The following MNS1 variants were observed in gnomAD, a reference collection of about 807,000 sequenced individuals.
The protein encoded by MNS1 is meiosis specific nuclear structural 1, also known as meiosis-specific nuclear structural protein 1.
A neutral mutation model predicts 72.0 loss-of-function variants in MNS1; 63 were observed. The ratio of observed to expected loss-of-function variants is 0.87; its 90% CI spans 0.71 to 1.08. The LOEUF is 1.08. Ranked by LOEUF, MNS1 falls within the 50% of genes least tolerant of loss-of-function variation. The probability of loss-of-function intolerance (pLI) is 0.00; values close to 1 mark genes in which losing one functional copy is unlikely to be tolerated. For synonymous variants in MNS1, 188 were observed against 172.1 expected (o/e 1.09, Z -0.72); for missense variants, 604 against 562.4 (o/e 1.07, Z -0.75).
At chr15:56,457,609 GCCAGGAGTTTGAGAC>G (rs1321748557) in intron 2 of MNS1, among the ~76,000 whole-genome samples, 2 of 152,092 alleles carry the variant, frequency 1.3e-5, no homozygotes, top group East Asian at 3.8e-4. Context: ...GATCCTTAAG[GCCAGGAGTTTGAGAC>G]CAGCCTGGGC....
At chr15:56,454,114 C>A (rs2050965440) in intron 3 of MNS1, among the ~76,000 whole-genome samples, 1 of 152,096 alleles carries the variant, frequency 6.6e-6, no homozygotes. Flanking sequence ...AAAGAGTACT[C>A]AACTGAATGA....
At chr15:56,460,009 A>AAAAAATATATATATATATAT in intron 2 of MNS1, among the ~76,000 whole-genome samples, 3 of 26,382 alleles carry the variant, frequency 1.1e-4, no homozygotes, top group Non-Finnish European at 2.1e-4. Flanking sequence ...AAAAAAAAAA[A>AAAAAATATATATATATATAT]ATACATATAT....
At position 56,464,169 on chromosome 15, in the gene MNS1, C is replaced by T. The variant is rs771892962; in HGVS notation, c.82G>A (p.Val28Ile). Residue 28 changes from valine (V) to isoleucine (I), a missense_variant, in exon 2 of 10, where the codon GTC becomes ATC. By Grantham distance (29) the Val-to-Ile change is conservative. Transcript: ENST00000260453. ...VDENYCKKLHVQALKNVNSQI... is the reference protein window; with the variant it reads ...VDENYCKKLHIQALKNVNSQI... ...CTGTTGACGTTTTTTAGAGCTTGGACATGTAATTTTTTGCAGTAGTTTTCA... is the reference window on the plus strand; with the variant it reads ...CTGTTGACGTTTTTTAGAGCTTGGATATGTAATTTTTTGCAGTAGTTTTCA... The T allele has an allele frequency of 6.2e-7, 1 of 1,613,918 alleles. No individual in the cohort carries two copies. Among genetic ancestry groups the T allele is most frequent in the South Asian group, 1.1e-5 (1 of 91,054 alleles).
At chr15:56,464,287 C>T (rs1206426687) in intron 1 of MNS1, 40 bp from the exon 2 acceptor site, 6 of 1,398,428 alleles carry the variant, frequency 4.3e-6, no homozygotes, top group Non-Finnish European at 4.9e-6. Flanking sequence ...TTTTGATATT[C>T]CAAAATCTAA....
chr15:56,431,276 G>T (rs189698916), intron 9 of MNS1, 97 bp downstream of exon 9: 549 of 1,425,180 alleles, frequency 3.9e-4, no homozygotes, highest in Admixed American at 1.1e-3. Flanking sequence ...AACCGAGCAA[G>T]AAGTGAGCAA....
At chr15:56,452,157 A>G (rs1042828479) in intron 3 of MNS1, among the ~76,000 whole-genome samples, 8 of 152,150 alleles carry the variant, frequency 5.3e-5, no homozygotes, top group African/African-American at 1.9e-4. Context: ...ATCAGGTTAG[A>G]TGATTCACTA....
chr15:56,443,356 CTA>C, intron 7 of MNS1, 72 bp downstream of exon 7: 1 of 1,090,720 alleles, frequency 9.2e-7, no homozygotes. Context: ...TTTAAATGTA[CTA>C]TCTCTTTTCT....
intron 2 of MNS1, chr15:56,463,708 G>A (rs1034857269): frequency 4.5e-6 from 1 of 221,154 alleles, no homozygotes; most frequent in Non-Finnish European, 8.8e-6. Context: ...CTTGAACCCC[G>A]GAGGCAGAGG....
intron 9 of MNS1, among the ~76,000 whole-genome samples, chr15:56,431,003 A>T (rs1377380539): frequency 1.3e-5 from 2 of 152,180 alleles, no homozygotes; most frequent in Non-Finnish European, 2.9e-5. Flanking sequence ...CTTACCAAAA[A>T]TACAAAAATT....
chr15:56,464,521 G>T (rs1387103791), intron 1 of MNS1, among the ~76,000 whole-genome samples: 4 of 151,738 alleles, frequency 2.6e-5, no homozygotes, highest in African/African-American at 9.7e-5. Context: ...AGGATTAATC[G>T]CACCCTACAG....
chr15:56,435,854 T>G (rs557792651), intron 7 of MNS1, among the ~76,000 whole-genome samples: 26 of 152,134 alleles, frequency 1.7e-4, no homozygotes, highest in African/African-American at 5.1e-4. Flanking sequence ...ATATAAAAAA[T>G]TACAGACCAA....
At chr15:56,455,562 C>T (rs1406871145) in intron 3 of MNS1, among the ~76,000 whole-genome samples, 1 of 152,124 alleles carries the variant, frequency 6.6e-6, no homozygotes, top group Non-Finnish European at 1.5e-5. Context: ...AAGTAAATTT[C>T]CAATATATTC....
intron 2 of MNS1, among the ~76,000 whole-genome samples, chr15:56,463,020 A>T (rs767492303): frequency 2.0e-5 from 3 of 152,174 alleles, no homozygotes; most frequent in Non-Finnish European, 4.4e-5. Context: ...ATCATTTTTT[A>T]AATTTGCTTT....
intron 2 of MNS1, among the ~76,000 whole-genome samples, chr15:56,462,005 T>G (rs2051026115): frequency 7.0e-6 from 1 of 142,266 alleles, no homozygotes; most frequent in African/African-American, 2.6e-5. Flanking sequence ...TTTTTTTTTT[T>G]TTTTTGTGGG....
chr15:56,452,277 G>C (rs1240328511), intron 3 of MNS1, among the ~76,000 whole-genome samples: 1 of 152,108 alleles, frequency 6.6e-6, no homozygotes, highest in African/African-American at 2.4e-5. Context: ...GAAATTCAGA[G>C]AAAACTAGGT....
chr15:56,455,157 A>T (rs1596267376), intron 3 of MNS1, among the ~76,000 whole-genome samples: 1 of 151,774 alleles, frequency 6.6e-6, no homozygotes, highest in South Asian at 2.1e-4. Context: ...TATCTGAATA[A>T]CCTAATCTGC....
At position 56,434,208 on chromosome 15, in the gene MNS1, T is replaced by G; in HGVS notation, c.1199A>C (p.Lys400Thr). The G allele has an allele frequency of 6.2e-7, 1 of 1,613,934 alleles. No homozygotes were observed. The highest frequency in any genetic ancestry group is 8.5e-7 in the Non-Finnish European group (1 of 1,179,888). ...ELMNAQKQRMKQLEHRRAVEK... is the reference protein window; with the variant it reads ...ELMNAQKQRMTQLEHRRAVEK... ...CACAGCCCTCCTGTGTTCCAGCTGC[T>G]TCATTCTTTGTTTCTGAGCATTCAT... is the stretch of plus-strand genomic sequence containing the variant. The change falls in exon 8 of 10, where the codon AAG becomes ACG. Residue 400 changes from lysine (K) to threonine (T), a missense_variant. Coordinates refer to ENST00000260453, the MANE Select transcript of MNS1 (RefSeq NM_018365.4).
intron 3 of MNS1, among the ~76,000 whole-genome samples, chr15:56,449,636 A>G (rs2050934569): frequency 6.6e-6 from 1 of 152,216 alleles, no homozygotes; most frequent in Non-Finnish European, 1.5e-5. Flanking sequence ...ACAGAACTAC[A>G]TAAGATTGGT....
At chr15:56,431,570 T>C (rs2050597163) in intron 8 of MNS1, 72 bp from the exon 9 acceptor site, 2 of 1,482,000 alleles carry the variant, frequency 1.3e-6, no homozygotes, top group East Asian at 4.6e-5. Flanking sequence ...ATAAAACTAC[T>C]CATGCAATGA....
Sources: allele counts gnomAD v4.1 joint callset (sites outside exome capture counted in the v4.1 genomes callset), GRCh38; gene constraint gnomAD v4.1.1; transcripts MANE v1.5; gene names NCBI Gene and HGNC (gene_info 2026-07-23, HGNC 2026-07-21).